Variants in CNTN4 observed in about 807,000 individuals in gnomAD.
CNTN4 encodes contactin 4, also known as contactin-4.
Under a neutral mutation model 122.5 loss-of-function variants are expected in CNTN4, and 77 were observed. That is an observed-to-expected ratio of 0.63 (90% CI 0.52 to 0.76). The LOEUF (loss-of-function observed/expected upper bound fraction) is 0.76. Ranked by LOEUF, CNTN4 falls within the 30% of genes least tolerant of loss-of-function variation. The pLI, the probability that CNTN4 is intolerant of heterozygous loss-of-function variation, is 0.00. For synonymous variants in CNTN4, 512 were observed against 447.0 expected, an observed-to-expected ratio of 1.15 and a Z score of -1.83; for missense variants, 1,256 against 1,259.1, an observed-to-expected ratio of 1.00 and a Z score of 0.04.
chr3:2,656,718 C>T (rs1191002029), intron 4 of CNTN4, among the ~76,000 whole-genome samples: 1 of 152,188 alleles, frequency 6.6e-6, no homozygotes, highest in Non-Finnish European at 1.5e-5. Context: ...AGCTTATGTA[C>T]AAAAATCTTT....
chr3:2,807,078 A>G (rs1224893707), intron 6 of CNTN4, among the ~76,000 whole-genome samples: 1 of 152,150 alleles, frequency 6.6e-6, no homozygotes, highest in Non-Finnish European at 1.5e-5. Context: ...TCAGTGATAT[A>G]TCCCCAGTGT....
intron 4 of CNTN4, among the ~76,000 whole-genome samples, chr3:2,590,688 C>T (rs1375204554): frequency 3.3e-5 from 5 of 151,996 alleles, no homozygotes; most frequent in East Asian, 1.9e-4. Context: ...TCATGTCAAC[C>T]GCTTCCTAAC....
intron 3 of CNTN4, among the ~76,000 whole-genome samples, chr3:2,503,833 T>C (rs1052307224): frequency 1.9e-4 from 29 of 151,984 alleles, no homozygotes; most frequent in African/African-American, 7.0e-4. Context: ...GCATAAATCA[T>C]TGAGCAAAGG....
intron 3 of CNTN4, among the ~76,000 whole-genome samples, chr3:2,482,140 A>T (rs563012823): frequency 6.6e-6 from 1 of 152,274 alleles, no homozygotes; most frequent in South Asian, 2.1e-4. Context: ...CTTCCTAGAG[A>T]CTTGTTGAAT....
intron 19 of CNTN4, 129 bp downstream of exon 19, chr3:3,039,132 A>T: frequency 1.2e-6 from 1 of 800,266 alleles, no homozygotes; most frequent in Non-Finnish European, 2.1e-6. Context: ...GGGTTCAGAC[A>T]CTCCCTCTCA....
chr3:2,798,898 G>A (rs1265185883), intron 6 of CNTN4, among the ~76,000 whole-genome samples: 1 of 152,004 alleles, frequency 6.6e-6, no homozygotes, highest in Non-Finnish European at 1.5e-5. Context: ...TCTATTTTCA[G>A]TTCTTTGAGA....
Position 2,533,593 on chromosome 3 carries a change from C to A in CNTN4, c.-88-37823C>A, listed in dbSNP as rs559550017. ...CTATTGTGAATAGTGCCACAATAAA[C>A]ATATGTGTGCATGTATCTTTATAGC... On this transcript the variant is annotated intron_variant, in intron 3 of 24. Coordinates refer to ENST00000418658, the MANE Select transcript of CNTN4 (RefSeq NM_175607.3). Among the ~76,000 whole-genome samples, 409 of 152,300 alleles carry A rather than the reference C, an allele frequency of 2.7e-3. 1 individual carries two copies. Among genetic ancestry groups the A allele is most frequent in the African/African-American group, 9.5e-3 (394 of 41,576 alleles).
At chr3:2,290,221 G>T (rs887380982) in intron 2 of CNTN4, among the ~76,000 whole-genome samples, 3 of 152,132 alleles carry the variant, frequency 2.0e-5, no homozygotes, top group African/African-American at 7.2e-5. Context: ...ACAAGCGTTA[G>T]AATTGTCCTG....
At chr3:2,495,727 G>T (rs934549066) in intron 3 of CNTN4, among the ~76,000 whole-genome samples, 1 of 152,168 alleles carries the variant, frequency 6.6e-6, no homozygotes, top group African/African-American at 2.4e-5. Flanking sequence ...GATGACCTGA[G>T]GGGGAACAGT....
At chr3:2,359,552 G>A (rs867073677) in intron 3 of CNTN4, among the ~76,000 whole-genome samples, 4 of 151,994 alleles carry the variant, frequency 2.6e-5, no homozygotes, top group African/African-American at 7.3e-5. Flanking sequence ...GTTTTGTTTT[G>A]TTTTTGAGAC....
intron 6 of CNTN4, among the ~76,000 whole-genome samples, chr3:2,781,781 G>A (rs1273481837): frequency 4.6e-5 from 6 of 130,268 alleles, no homozygotes; most frequent in South Asian, 4.8e-4. Flanking sequence ...CTGGAGGGCA[G>A]TAGCGCGATC....
intron 13 of CNTN4, among the ~76,000 whole-genome samples, chr3:2,930,894 T>G (rs74504371): frequency 0.02 from 3,016 of 152,314 alleles, 41 homozygotes; most frequent in Middle Eastern, 0.088. Context: ...ATATAAATTT[T>G]TCAACAATCC....
chr3:2,847,984 C>T (rs2093482828), intron 7 of CNTN4, among the ~76,000 whole-genome samples: 1 of 152,178 alleles, frequency 6.6e-6, no homozygotes, highest in Non-Finnish European at 1.5e-5. Context: ...CAGGGTTGGG[C>T]ACAGTGGCTG....
In CNTN4 at chr3:2,296,606, C is replaced by T. The variant is rs143971919; in HGVS notation, c.-144-42572C>T. 6.5e-3 allele frequency among the ~76,000 whole-genome samples: 993 copies of T among 152,010 alleles called. 6 individuals carry two copies. The highest frequency in any genetic ancestry group is 0.014 in the African/African-American group (601 of 41,458). On this transcript the variant is annotated intron_variant, in intron 2 of 24. Transcript: ENST00000418658. ...GGGAAGAATGATTTGTCTCAGGGTG[C>T]GTAGATACAAATGTTACCAACCCAC... is the stretch of plus-strand genomic sequence containing the variant.
At chr3:2,882,484 A>G (rs1178108526) in intron 8 of CNTN4, among the ~76,000 whole-genome samples, 1 of 152,162 alleles carries the variant, frequency 6.6e-6, no homozygotes, top group Non-Finnish European at 1.5e-5. Flanking sequence ...ATTTTCCGGG[A>G]TATAGGAAAA....
intron 6 of CNTN4, among the ~76,000 whole-genome samples, chr3:2,760,808 G>C (rs1466261241): frequency 1.3e-5 from 2 of 152,090 alleles, no homozygotes; most frequent in East Asian, 1.9e-4. Flanking sequence ...CTAATCCACT[G>C]TTTCCCCAAA....
At chr3:2,861,676 C>G (rs527406087) in intron 7 of CNTN4, among the ~76,000 whole-genome samples, 2 of 152,270 alleles carry the variant, frequency 1.3e-5, no homozygotes, top group Non-Finnish European at 1.5e-5. Context: ...TTCTACAAAA[C>G]ACAACGCAGC....
Position 2,152,381 on chromosome 3 carries a change from G to A in CNTN4, c.-145+51742G>A, listed in dbSNP as rs75322742. 6.9e-3 allele frequency among the ~76,000 whole-genome samples: 1,055 copies of A among 152,274 alleles called. 9 individuals carry two copies. Among genetic ancestry groups the A allele is most frequent in the African/African-American group, 0.024 (998 of 41,550 alleles). ...CAGGACTTCCGTTTGATTGAAACGA[G>A]GTGCCGTCTGGTAGGTAGCTTTGGG... On this transcript the variant is annotated intron_variant, in intron 2 of 24. Coordinates refer to ENST00000418658, the MANE Select transcript of CNTN4 (RefSeq NM_175607.3).
intron 4 of CNTN4, among the ~76,000 whole-genome samples, chr3:2,618,981 C>G (rs1483172167): frequency 6.6e-6 from 1 of 152,158 alleles, no homozygotes; most frequent in Non-Finnish European, 1.5e-5. Context: ...AACCAGTTAT[C>G]TGTAAAATAC....
Sources: allele counts gnomAD v4.1 joint callset (sites outside exome capture counted in the v4.1 genomes callset), GRCh38; gene constraint gnomAD v4.1.1; transcripts MANE v1.5; gene names NCBI Gene and HGNC (gene_info 2026-07-23, HGNC 2026-07-21).